HPSE2: variants seen among roughly 807,000 people sequenced by gnomAD.
The protein encoded by HPSE2 is inactive heparanase-2.
A neutral mutation model predicts 60.5 loss-of-function variants in HPSE2; 38 were observed. The ratio of observed to expected loss-of-function variants is 0.63; its 90% CI spans 0.48 to 0.82. The LOEUF is 0.82. Among genes scored for constraint, HPSE2 ranks in the 40% least tolerant of loss-of-function variants. The pLI is 0.00. For synonymous variants in HPSE2, 295 were observed against 293.2 expected, an observed-to-expected ratio of 1.01 and a Z score of -0.06; for missense variants, 713 against 740.4, an observed-to-expected ratio of 0.96 and a Z score of 0.43.
At chr10:99,021,668 C>T (rs999877005) in intron 3 of HPSE2, among the ~76,000 whole-genome samples, 6 of 152,034 alleles carry the variant, frequency 3.9e-5, no homozygotes, top group Admixed American at 1.3e-4. Flanking sequence ...TAATGCAAGT[C>T]CTTTCCAATT....
intron 11 of HPSE2, among the ~76,000 whole-genome samples, chr10:98,471,898 C>A (rs1295590261): frequency 6.6e-6 from 1 of 152,108 alleles, no homozygotes; most frequent in East Asian, 1.9e-4. Context: ...TCCTTATAGA[C>A]AAAGAGTGGT....
At position 98,862,874 on chromosome 10, in the gene HPSE2, C is replaced by A. The variant is rs1399378785; in HGVS notation, c.611-118818G>T. On this transcript the variant is annotated intron_variant, in intron 3 of 11. Coordinates refer to ENST00000370552, the MANE Select transcript of HPSE2 (RefSeq NM_021828.5). ...ACTTCCGGCTCAAGCAATCCTCCTG[C>A]CTCAGCCTCCCAAGTAGCTGGGACT... Among the ~76,000 whole-genome samples, 29 of 152,290 alleles carry A rather than the reference C, an allele frequency of 1.9e-4. 1 individual carries two copies.
chr10:99,149,681 G>A (rs1312229207), intron 2 of HPSE2, among the ~76,000 whole-genome samples: 1 of 152,098 alleles, frequency 6.6e-6, no homozygotes, highest in Non-Finnish European at 1.5e-5. Flanking sequence ...TTGGAGGATA[G>A]TATTATTCTT....
chr10:98,486,250 A>G (rs1045936638), intron 10 of HPSE2, among the ~76,000 whole-genome samples: 1 of 152,180 alleles, frequency 6.6e-6, no homozygotes, highest in Non-Finnish European at 1.5e-5. Context: ...TGAGGAACAT[A>G]TATTCTCTGA....
intron 2 of HPSE2, among the ~76,000 whole-genome samples, chr10:99,157,609 G>T (rs975613425): frequency 3.3e-4 from 48 of 144,244 alleles, no homozygotes; most frequent in African/African-American, 1.2e-3. Flanking sequence ...ATTCAAGATG[G>T]ATTAAAGACT....
At chr10:98,494,360 A>G (rs1941761182) in intron 9 of HPSE2, among the ~76,000 whole-genome samples, 1 of 152,246 alleles carries the variant, frequency 6.6e-6, no homozygotes, top group African/African-American at 2.4e-5. Context: ...TAAAAGAGGC[A>G]AAGGTAGAGG....
chr10:99,203,346 C>T (rs1362824893), intron 2 of HPSE2, among the ~76,000 whole-genome samples: 2 of 152,028 alleles, frequency 1.3e-5, no homozygotes, highest in African/African-American at 4.8e-5. Context: ...ACGCAGGCTC[C>T]TACAACTACA....
At chr10:99,074,126 C>T (rs1842886261) in intron 3 of HPSE2, among the ~76,000 whole-genome samples, 1 of 152,018 alleles carries the variant, frequency 6.6e-6, no homozygotes, top group Non-Finnish European at 1.5e-5. Flanking sequence ...GGCATTATGC[C>T]TTGTTCCCAA....
At chr10:98,764,787 G>A (rs551264537) in intron 3 of HPSE2, among the ~76,000 whole-genome samples, 1 of 152,262 alleles carries the variant, frequency 6.6e-6, no homozygotes, top group South Asian at 2.1e-4. Context: ...AACCAGGGAG[G>A]CGGAGGTTGC....
rs368862495 is a variant in HPSE2, at chr10:98,905,931, C to T, written c.611-161875G>A. ...ATGTATGTTGCACCCACCAGATCTCCCTTCAGGATTGAAGAACTTAGTCTC... is the reference window on the plus strand; with the variant it reads ...ATGTATGTTGCACCCACCAGATCTCTCTTCAGGATTGAAGAACTTAGTCTC... On this transcript the variant is annotated intron_variant, in intron 3 of 11. Coordinates refer to ENST00000370552, the MANE Select transcript of HPSE2 (RefSeq NM_021828.5). 6.6e-5 allele frequency among the ~76,000 whole-genome samples: 10 copies of T among 152,306 alleles called. No homozygotes were observed. The South Asian group carries it at 8.3e-4, about 13-fold the overall frequency.
intron 3 of HPSE2, among the ~76,000 whole-genome samples, chr10:98,817,965 G>A (rs755185404): frequency 1.3e-5 from 2 of 152,060 alleles, no homozygotes; most frequent in African/African-American, 2.4e-5. Flanking sequence ...ATTGGTTTCC[G>A]GACCCATGCT....
At chr10:99,102,934 C>G (rs563862131) in intron 3 of HPSE2, among the ~76,000 whole-genome samples, 20 of 152,212 alleles carry the variant, frequency 1.3e-4, no homozygotes, top group African/African-American at 2.9e-4. Context: ...ATTCAACAAC[C>G]CTTCATGCTA....
intron 3 of HPSE2, among the ~76,000 whole-genome samples, chr10:98,901,642 T>C (rs1021447405): frequency 1.3e-5 from 2 of 152,266 alleles, no homozygotes; most frequent in Middle Eastern, 6.8e-3. Flanking sequence ...ATATAATCTT[T>C]ATTGACAGCC....
intron 9 of HPSE2, among the ~76,000 whole-genome samples, chr10:98,611,174 G>A (rs141757035): frequency 1.6e-4 from 24 of 152,358 alleles, no homozygotes; most frequent in Admixed American, 3.3e-4. Flanking sequence ...GAAGGAAAAT[G>A]TCATAGCAGG....
At chr10:99,079,143 G>T in intron 3 of HPSE2, among the ~76,000 whole-genome samples, 1 of 152,244 alleles carries the variant, frequency 6.6e-6, no homozygotes, top group Middle Eastern at 3.4e-3. Flanking sequence ...TGTCTGCACT[G>T]GTCCCCAGGC....
intron 9 of HPSE2, among the ~76,000 whole-genome samples, chr10:98,541,121 A>C (rs1448014683): frequency 6.6e-6 from 1 of 152,188 alleles, no homozygotes; most frequent in Non-Finnish European, 1.5e-5. Context: ...AGTTGTAAAA[A>C]GTTTTCCTCT....
chr10:98,472,812 C>T (rs949341821), intron 11 of HPSE2, among the ~76,000 whole-genome samples: 3 of 130,288 alleles, frequency 2.3e-5, no homozygotes, highest in Non-Finnish European at 4.8e-5. Flanking sequence ...TTCTGTATGT[C>T]AAGATAATAC....
chr10:98,581,651 G>C (rs373377903), intron 9 of HPSE2, among the ~76,000 whole-genome samples: 45 of 152,122 alleles, frequency 3.0e-4, no homozygotes, highest in African/African-American at 1.0e-3. Flanking sequence ...GTCCACCCTT[G>C]GTACAGGCAT....
chr10:98,906,908 A>G (rs1590054166), intron 3 of HPSE2, among the ~76,000 whole-genome samples: 1 of 152,284 alleles, frequency 6.6e-6, no homozygotes, highest in South Asian at 2.1e-4. Context: ...GTCTCAAAAA[A>G]AAAAAAAAAT....
Sources: allele counts gnomAD v4.1 joint callset (sites outside exome capture counted in the v4.1 genomes callset), GRCh38; gene constraint gnomAD v4.1.1; transcripts MANE v1.5; gene names NCBI Gene and HGNC (gene_info 2026-07-23, HGNC 2026-07-21).